Variants in CIMIP4 observed in about 807,000 individuals in gnomAD.
The protein encoded by CIMIP4 is protein EAN57.
At chr22:36,995,349 C>T in the CIMIP4 span, among the ~76,000 whole-genome samples, 1 of 152,202 alleles carries the variant, frequency 6.6e-6, no homozygotes, top group Non-Finnish European at 1.5e-5. Context: ...TCTACTCTCC[C>T]CTCCCAGCCC....
chr22:37,000,059 C>T, the CIMIP4 span: 1 of 1,528,114 alleles, frequency 6.5e-7, no homozygotes. Flanking sequence ...TCCAACTCCT[C>T]CTCCCTTGAC....
chr22:36,991,488 A>G, the CIMIP4 span: 1 of 1,614,020 alleles, frequency 6.2e-7, no homozygotes, highest in Non-Finnish European at 8.5e-7. Context: ...TACCCAGATC[A>G]TCCGTCTTCC....
the CIMIP4 span, among the ~76,000 whole-genome samples, chr22:36,994,596 T>C: frequency 1.3e-5 from 2 of 150,760 alleles, no homozygotes; most frequent in Non-Finnish European, 2.9e-5. Context: ...CTCGATCTCT[T>C]GACCTTGTGA....
chr22:36,995,345 C>T, the CIMIP4 span, among the ~76,000 whole-genome samples: 1 of 152,220 alleles, frequency 6.6e-6, no homozygotes. Flanking sequence ...ACCCTCTACT[C>T]TCCCCTCCCA....
the CIMIP4 span, among the ~76,000 whole-genome samples, chr22:37,001,044 G>A: frequency 1.3e-5 from 2 of 152,140 alleles, no homozygotes; most frequent in African/African-American, 4.8e-5. Context: ...ACACAATGCA[G>A]TTGCTATGAG....
the CIMIP4 span, chr22:37,002,109 G>A: frequency 8.3e-6 from 13 of 1,567,932 alleles, no homozygotes; most frequent in Admixed American, 1.9e-5. Flanking sequence ...GGGGGTGGAG[G>A]GGGAATCTCC....
At chr22:36,994,691 C>T in the CIMIP4 span, among the ~76,000 whole-genome samples, 3 of 143,478 alleles carry the variant, frequency 2.1e-5, no homozygotes, top group South Asian at 2.2e-4. Context: ...TGTGCAGTGG[C>T]GCAATCTCGG....
At chr22:36,999,205 CCAG>C in the CIMIP4 span, among the ~76,000 whole-genome samples, 4 of 151,018 alleles carry the variant, frequency 2.6e-5, no homozygotes, top group African/African-American at 9.8e-5. Flanking sequence ...GCCTGTAATC[CCAG>C]CACTTTGAGA....
chr22:36,993,967 A>G, the CIMIP4 span, among the ~76,000 whole-genome samples: 3 of 152,212 alleles, frequency 2.0e-5, no homozygotes, highest in Admixed American at 6.5e-5. Context: ...AAAAAGATAT[A>G]CCCAGGCAAA....
the CIMIP4 span, chr22:36,999,950 T>C: frequency 6.2e-7 from 1 of 1,613,794 alleles, no homozygotes; most frequent in East Asian, 2.2e-5. Flanking sequence ...TGCCCTTTTC[T>C]GGCCCTCGAA....
chr22:36,995,230 G>A, the CIMIP4 span, among the ~76,000 whole-genome samples: 801 of 152,334 alleles, frequency 5.3e-3, 9 homozygotes, highest in African/African-American at 0.018. Context: ...GAAAAGGACA[G>A]GACGTAAGCT....
At chr22:36,995,519 C>T in the CIMIP4 span, among the ~76,000 whole-genome samples, 6 of 152,302 alleles carry the variant, frequency 3.9e-5, no homozygotes, top group Non-Finnish European at 7.4e-5. Flanking sequence ...ATGGTTCCCC[C>T]GCAGCCCTGT....
the CIMIP4 span, among the ~76,000 whole-genome samples, chr22:36,993,042 T>C: frequency 6.7e-6 from 1 of 149,210 alleles, no homozygotes; most frequent in Non-Finnish European, 1.5e-5. Flanking sequence ...AGACGGAGTC[T>C]CGCTCTGTCT....
the CIMIP4 span, among the ~76,000 whole-genome samples, chr22:36,996,664 A>G: frequency 6.6e-6 from 1 of 152,182 alleles, no homozygotes; most frequent in Admixed American, 6.5e-5. Flanking sequence ...AGGGTTTTTC[A>G]TGGAAATTTC....
the CIMIP4 span, among the ~76,000 whole-genome samples, chr22:36,997,664 T>C: frequency 6.6e-6 from 1 of 152,208 alleles, no homozygotes; most frequent in Non-Finnish European, 1.5e-5. Context: ...CCTATGTCCA[T>C]TCTCCCCATA....
the CIMIP4 span, among the ~76,000 whole-genome samples, chr22:36,992,387 T>C: frequency 6.6e-6 from 1 of 151,948 alleles, no homozygotes; most frequent in Non-Finnish European, 1.5e-5. Context: ...TATTTAATGA[T>C]TGAAACCATA....
the CIMIP4 span, chr22:37,001,828 C>T: frequency 1.9e-6 from 3 of 1,557,476 alleles, no homozygotes; most frequent in South Asian, 1.2e-5. Flanking sequence ...CTGGCCCCTG[C>T]TATGACACCT....
the CIMIP4 span, among the ~76,000 whole-genome samples, chr22:37,006,944 G>A: frequency 5.3e-5 from 8 of 152,242 alleles, no homozygotes; most frequent in Non-Finnish European, 7.3e-5. Flanking sequence ...TTTCCCTGTT[G>A]TGAGATGCCC....
the CIMIP4 span, chr22:37,003,879 G>A: frequency 1.4e-6 from 2 of 1,390,894 alleles, no homozygotes; most frequent in South Asian, 1.4e-5. Flanking sequence ...GGAGCGGGAG[G>A]AGAAAGGGCC....
Sources: allele counts gnomAD v4.1 joint callset (sites outside exome capture counted in the v4.1 genomes callset), GRCh38; gene constraint gnomAD v4.1.1; transcripts MANE v1.5; gene names NCBI Gene and HGNC (gene_info 2026-07-23, HGNC 2026-07-21).